The following MRTFA variants were observed in gnomAD, a reference collection of about 807,000 sequenced individuals.
MRTFA encodes myocardin related transcription factor A, also known as myocardin-related transcription factor A.
MRTFA carries 20 observed loss-of-function variants against 83.5 expected under a neutral mutation model. That is an observed-to-expected ratio of 0.24 (90% CI 0.17 to 0.35). The LOEUF (loss-of-function observed/expected upper bound fraction) is 0.35. MRTFA is among the 10% of genes least tolerant of loss of function. The pLI, the probability that MRTFA is intolerant of heterozygous loss-of-function variation, is 1.00. For missense variants in MRTFA, 1,200 were observed against 1,224.7 expected (o/e 0.98, Z 0.30); for synonymous variants, 659 against 541.2 (o/e 1.22, Z -3.02).
At chr22:40,476,099 G>A (rs953589998) in intron 3 of MRTFA, among the ~76,000 whole-genome samples, 9 of 147,168 alleles carry the variant, frequency 6.1e-5, no homozygotes, top group Admixed American at 2.7e-4. Context: ...AGCTGAGATC[G>A]CGCCACTGCA....
Position 40,505,251 on chromosome 22 carries a change from A to G in MRTFA, c.242-41965T>C, listed in dbSNP as rs2054561817. ...TAACGATAACATCTAGACTGTAGGG[A>G]TCGACATTTATGTCAAAATGAAGTT... On this transcript the variant is annotated intron_variant, in intron 3 of 14. Coordinates refer to ENST00000355630, the MANE Select transcript of MRTFA (RefSeq NM_020831.6). Among the ~76,000 whole-genome samples, 3 of 152,336 alleles carry G rather than the reference A, an allele frequency of 2.0e-5. No individual in the cohort carries two copies. The South Asian group carries it at 6.2e-4, about 32-fold the overall frequency.
Position 40,411,040 on chromosome 22 carries a change from C to A in MRTFA, c.*350G>T. The A allele has an allele frequency of 3.9e-6, 1 of 259,702 alleles. No homozygotes were observed. The highest frequency in any genetic ancestry group is 7.3e-6 in the Non-Finnish European group (1 of 136,474). 16.1% of individuals were successfully genotyped at this position (259,702 alleles called of 1,614,324 possible). On this transcript the variant is annotated 3_prime_UTR_variant, in exon 15 of 15. Coordinates refer to ENST00000355630, the MANE Select transcript of MRTFA (RefSeq NM_020831.6). Reference sequence around the variant, plus strand: ...TCTCAGCCCTGGGTCAGAAGAGAAGCCTCCCGCCTGGCCAGGCTTCACCTA... The same window carrying A: ...TCTCAGCCCTGGGTCAGAAGAGAAGACTCCCGCCTGGCCAGGCTTCACCTA...
chr22:40,557,669 AG>A (rs796685724), intron 2 of MRTFA, among the ~76,000 whole-genome samples: 16 of 152,282 alleles, frequency 1.1e-4, no homozygotes, highest in African/African-American at 3.8e-4. Flanking sequence ...AGTGGTTAAA[AG>A]GTAAGTTTAT....
At chr22:40,423,861 A>G (rs2052896094) in intron 8 of MRTFA, among the ~76,000 whole-genome samples, 176 bp from the exon 9 acceptor site, 1 of 152,148 alleles carries the variant, frequency 6.6e-6, no homozygotes, top group Non-Finnish European at 1.5e-5. Context: ...AGGAGCTAGG[A>G]AAGAGAGAAG....
At chr22:40,570,860 C>T (rs2055780190) in intron 2 of MRTFA, among the ~76,000 whole-genome samples, 1 of 151,422 alleles carries the variant, frequency 6.6e-6, no homozygotes, top group South Asian at 2.1e-4. Flanking sequence ...TGTTATTTTA[C>T]TTTCTTTGGT....
intron 3 of MRTFA, among the ~76,000 whole-genome samples, chr22:40,476,805 A>T (rs2054004893): frequency 6.6e-6 from 1 of 152,124 alleles, no homozygotes; most frequent in African/African-American, 2.4e-5. Context: ...TCAACTTGTG[A>T]AACCAGCCTG....
chr22:40,420,276 G>A (rs960743854), intron 11 of MRTFA, 129 bp downstream of exon 11: 13 of 1,095,178 alleles, frequency 1.2e-5, no homozygotes, highest in Non-Finnish European at 1.6e-5. Flanking sequence ...AGAGCCTAAA[G>A]CCCTGCTCTG....
chr22:40,526,992 C>T (rs548955892), intron 3 of MRTFA, among the ~76,000 whole-genome samples: 33 of 151,748 alleles, frequency 2.2e-4, no homozygotes, highest in Non-Finnish European at 2.8e-4. Flanking sequence ...TGGGGTGCAG[C>T]GGTACACGCC....
chr22:40,455,018 T>C (rs1407402116), intron 4 of MRTFA, among the ~76,000 whole-genome samples: 1 of 152,172 alleles, frequency 6.6e-6, no homozygotes, highest in Non-Finnish European at 1.5e-5. Context: ...CCAGCTGGTT[T>C]CAAACTCCTG....
chr22:40,530,441 C>T lies in MRTFA; in HGVS notation c.241+21665G>A, dbSNP rs1226506611. On this transcript the variant is annotated intron_variant, in intron 3 of 14. Coordinates refer to ENST00000355630, the MANE Select transcript of MRTFA (RefSeq NM_020831.6). The stretch of plus-strand genomic sequence containing the variant: ...CCCCCCAAGTAGCTGGGACTACAGA[C>T]ATGCACCACCACACCTGGCTAATTT... 3.3e-5 allele frequency among the ~76,000 whole-genome samples: 5 copies of T among 152,218 alleles called. No individual in the cohort carries two copies. The East Asian group carries it at 9.6e-4, about 29-fold the overall frequency.
Position 40,420,942 on chromosome 22 carries a change from G to A in MRTFA, c.1086C>T (p.Ile362=), listed in dbSNP as rs1327954941. 10 of 1,614,048 alleles carry A rather than the reference G, an allele frequency of 6.2e-6. No individual in the cohort carries two copies. The highest frequency in any genetic ancestry group is 8.5e-6 in the Non-Finnish European group (10 of 1,180,006). ...GGAGGAAGAGCTGCTGCTGCTGCAG[G>A]ATCTTGGCGTAGGATGAGTCCATGG... Residue 362 remains isoleucine (I), a synonymous_variant, in exon 10 of 15, where the codon ATC becomes ATT. Coordinates refer to ENST00000355630, the MANE Select transcript of MRTFA (RefSeq NM_020831.6).
At chr22:40,500,644 C>T (rs1454853911) in intron 3 of MRTFA, among the ~76,000 whole-genome samples, 1 of 151,738 alleles carries the variant, frequency 6.6e-6, no homozygotes, top group Non-Finnish European at 1.5e-5. Context: ...GCACATCTTG[C>T]ACCGCCCTTA....
chr22:40,464,321 A>AC (rs1569280416), intron 3 of MRTFA, among the ~76,000 whole-genome samples: 4 of 150,750 alleles, frequency 2.7e-5, no homozygotes, highest in East Asian at 3.9e-4. Context: ...AAAAAAAAAA[A>AC]AAAAAAAAAA....
chr22:40,495,247 A>G (rs1182455884), intron 3 of MRTFA, among the ~76,000 whole-genome samples: 1 of 151,892 alleles, frequency 6.6e-6, no homozygotes, highest in Non-Finnish European at 1.5e-5. Flanking sequence ...TAAAAAGTAC[A>G]CCGTCTCGAG....
At chr22:40,480,160 G>A (rs931105714) in intron 3 of MRTFA, among the ~76,000 whole-genome samples, 9 of 152,078 alleles carry the variant, frequency 5.9e-5, no homozygotes, top group Non-Finnish European at 8.8e-5. Context: ...ACTTGCTCAA[G>A]GTCATAAAGT....
chr22:40,629,826 G>A (rs1208969356), intron 1 of MRTFA, among the ~76,000 whole-genome samples: 1 of 149,602 alleles, frequency 6.7e-6, no homozygotes, highest in African/African-American at 2.5e-5. Context: ...GGTACATGCT[G>A]TTGTCCTAGC....
rs2052761712 is a variant in MRTFA, at chr22:40,419,013, G to A, written c.1725C>T (p.Thr575=). ...GAGGTGATGTCACCATCTCACCAAA[G>A]GTGTCCCCGGGGGTGGAGTTTTCAT... The change falls in exon 12 of 15, where the codon ACC becomes ACT. Residue 575 remains threonine, a synonymous_variant. Transcript: ENST00000355630. The A allele has an allele frequency of 6.2e-7, 1 of 1,612,638 alleles. No homozygotes were observed. The highest frequency in any genetic ancestry group is 1.3e-5 in the African/African-American group (1 of 74,902).
At chr22:40,417,683 A>C in intron 12 of MRTFA, 190 bp from the exon 13 acceptor site, 1 of 580,158 alleles carries the variant, frequency 1.7e-6, no homozygotes, top group Non-Finnish European at 3.1e-6. Flanking sequence ...GGGGGCCCTC[A>C]ACCCTGCAGG....
intron 2 of MRTFA, among the ~76,000 whole-genome samples, chr22:40,571,746 G>A (rs779668663): frequency 4.0e-4 from 60 of 150,684 alleles, no homozygotes; most frequent in Admixed American, 1.3e-3. Flanking sequence ...ATGAAACCCC[G>A]TCTCTACTAA....
Sources: allele counts gnomAD v4.1 joint callset (sites outside exome capture counted in the v4.1 genomes callset), GRCh38; gene constraint gnomAD v4.1.1; transcripts MANE v1.5; gene names NCBI Gene and HGNC (gene_info 2026-07-23, HGNC 2026-07-21).